TGFA: variants seen among roughly 807,000 people sequenced by gnomAD.
The protein encoded by TGFA is protransforming growth factor alpha.
In TGFA, 12 loss-of-function variants were observed where a neutral mutation model predicts 21.7. The ratio of observed to expected loss-of-function variants is 0.55; its 90% CI spans 0.35 to 0.90. The LOEUF (loss-of-function observed/expected upper bound fraction) is 0.90. Ranked by LOEUF, TGFA falls within the 40% of genes least tolerant of loss-of-function variation. The pLI, the probability that TGFA is intolerant of heterozygous loss-of-function variation, is 0.01. For synonymous variants in TGFA, 79 were observed against 88.1 expected (o/e 0.90, Z 0.58); for missense variants, 178 against 210.8 (o/e 0.84, Z 0.96).
At chr2:70,536,858 T>C (rs1672981786) in intron 1 of TGFA, among the ~76,000 whole-genome samples, 1 of 152,204 alleles carries the variant, frequency 6.6e-6, no homozygotes, top group Non-Finnish European at 1.5e-5. Context: ...TTAGTTACTG[T>C]TTTGCTCTGT....
chr2:70,532,806 C>G (rs1315910634), intron 1 of TGFA, among the ~76,000 whole-genome samples: 1 of 152,112 alleles, frequency 6.6e-6, no homozygotes, highest in Non-Finnish European at 1.5e-5. Flanking sequence ...AAGTGCTGTT[C>G]CCTGATTGTA....
chr2:70,548,615 C>A (rs868961330), intron 1 of TGFA, among the ~76,000 whole-genome samples: 61 of 152,208 alleles, frequency 4.0e-4, no homozygotes, highest in African/African-American at 1.3e-3. Context: ...GCATAGAACT[C>A]ACTTGATTAG....
chr2:70,448,805 G>A lies in TGFA; in HGVS notation c.*2054C>T, dbSNP rs1553489087. ...CATAAGGATGAGGGCACTGGCAGGT[G>A]TGACTTGCTGGACCTAGGAACTAGA... On this transcript the variant is annotated 3_prime_UTR_variant, in exon 6 of 6. Transcript: ENST00000295400. 6.6e-6 allele frequency: 1 copy of A among 152,260 alleles called. No individual in the cohort carries two copies. The highest frequency in any genetic ancestry group is 1.9e-4 in the East Asian group (1 of 5,198). The allele number at this position is 152,260 out of a possible 1,614,324, so 9.4% of individuals were successfully genotyped here. A position where few individuals can be genotyped will look rare whatever the true frequency, so the allele number is the denominator to read the frequency against.
chr2:70,463,466 C>T (rs1381234156), intron 3 of TGFA, among the ~76,000 whole-genome samples: 12 of 152,128 alleles, frequency 7.9e-5, no homozygotes, highest in Admixed American at 7.9e-4. Context: ...CAGAAGGCTT[C>T]TAACAGCTGA....
Position 70,549,243 on chromosome 2 carries a change from T to C in TGFA, c.40+4485A>G, listed in dbSNP as rs1247938738. On this transcript the variant is annotated intron_variant, in intron 1 of 5. Transcript: ENST00000295400. ...CTCAGCAAGAGGGCTAACTCTGTCCTGGTCGGCATGACAGGCCTTAAAGTG... is the reference window on the plus strand; with the variant it reads ...CTCAGCAAGAGGGCTAACTCTGTCCCGGTCGGCATGACAGGCCTTAAAGTG... Among the ~76,000 whole-genome samples, 6 of 152,196 alleles carry C rather than the reference T, an allele frequency of 3.9e-5. No individual in the cohort carries two copies. In the South Asian group the frequency reaches 8.3e-4, roughly 21 times the overall value.
intron 3 of TGFA, among the ~76,000 whole-genome samples, chr2:70,461,409 C>T (rs1553491455): frequency 6.6e-6 from 1 of 152,214 alleles, no homozygotes; most frequent in Non-Finnish European, 1.5e-5. Flanking sequence ...CACAGGCAGC[C>T]AGTTATGAAC....
At position 70,447,624 on chromosome 2, in the gene TGFA, A is replaced by T. The variant is rs1261790843; in HGVS notation, c.*3235T>A. 1 of 152,556 alleles carries T rather than the reference A, an allele frequency of 6.6e-6. No homozygotes were observed. Among genetic ancestry groups the T allele is most frequent in the Non-Finnish European group, 1.5e-5 (1 of 68,044 alleles). The allele number at this position is 152,556 out of a possible 1,614,324, so 9.5% of individuals were successfully genotyped here. A position where few individuals can be genotyped will look rare whatever the true frequency, so the allele number is the denominator to read the frequency against. ...GTAAATTATTAAGACTAAGAAGAGG[A>T]GTTGCTTTTTCAGTACTCTCTCTCT... is the stretch of plus-strand genomic sequence containing the variant. On this transcript the variant is annotated 3_prime_UTR_variant, in exon 6 of 6. Transcript: ENST00000295400.
intron 1 of TGFA, among the ~76,000 whole-genome samples, chr2:70,517,217 G>A (rs1253636399): frequency 6.6e-6 from 1 of 152,196 alleles, no homozygotes; most frequent in Non-Finnish European, 1.5e-5. Flanking sequence ...AAAGACACTG[G>A]CTTTTTATTC....
At chr2:70,474,969 C>CATGTGT (rs3220306) in intron 2 of TGFA, among the ~76,000 whole-genome samples, 2 of 147,592 alleles carry the variant, frequency 1.4e-5, no homozygotes, top group African/African-American at 2.5e-5. Flanking sequence ...ACACAGCAGC[C>CATGTGT]GTGTGTGTGT....
intron 2 of TGFA, among the ~76,000 whole-genome samples, chr2:70,469,338 T>A (rs1169379756): frequency 2.6e-5 from 4 of 151,716 alleles, no homozygotes; most frequent in African/African-American, 9.7e-5. Flanking sequence ...ATTAATTAAT[T>A]TATATTTTTA....
intron 2 of TGFA, among the ~76,000 whole-genome samples, chr2:70,481,629 C>T (rs1212761083): frequency 2.0e-5 from 3 of 152,210 alleles, no homozygotes; most frequent in Non-Finnish European, 4.4e-5. Context: ...CATACTGTCT[C>T]AGGGCTGGTC....
Position 70,456,330 on chromosome 2 carries a change from A to G in TGFA, c.365+9T>C, listed in dbSNP as rs1553490507. 3.9e-6 allele frequency: 6 copies of G among 1,545,732 alleles called. No individual in the cohort carries two copies. The highest frequency in any genetic ancestry group is 1.7e-4 in the Middle Eastern group (1 of 5,990). On this transcript the variant is annotated intron_variant, in intron 4 of 5. Coordinates refer to ENST00000295400, the MANE Select transcript of TGFA (RefSeq NM_003236.4). The stretch of plus-strand genomic sequence containing the variant: ...AGGGGACCTGGCCTTAGGGGCAGCA[A>G]GTACTCACTGTATCAGCACACATGT...
chr2:70,510,099 A>G (rs1279334273), intron 2 of TGFA, among the ~76,000 whole-genome samples: 1 of 152,206 alleles, frequency 6.6e-6, no homozygotes, highest in African/African-American at 2.4e-5. Context: ...TATTTTCTAA[A>G]TCATGCATTA....
intron 2 of TGFA, among the ~76,000 whole-genome samples, chr2:70,498,887 A>C (rs1180441339): frequency 1.3e-5 from 2 of 151,834 alleles, no homozygotes; most frequent in Non-Finnish European, 2.9e-5. Flanking sequence ...TTTCCCCTAC[A>C]CTTGTGGTTT....
intron 1 of TGFA, among the ~76,000 whole-genome samples, chr2:70,516,695 G>A (rs782073398): frequency 6.6e-6 from 1 of 152,146 alleles, no homozygotes; most frequent in South Asian, 2.1e-4. Flanking sequence ...CATCCAAGCC[G>A]GGAAAAGTCA....
intron 2 of TGFA, chr2:70,468,528 G>A (rs1553492679): frequency 6.6e-6 from 1 of 152,282 alleles, no homozygotes; most frequent in Non-Finnish European, 1.5e-5. Flanking sequence ...ACAGAGAGAT[G>A]AAGGGGCTAG....
At position 70,545,074 on chromosome 2, in the gene TGFA, C is replaced by A. The variant is rs1275326845; in HGVS notation, c.40+8654G>T. On this transcript the variant is annotated intron_variant, in intron 1 of 5. Coordinates refer to ENST00000295400, the MANE Select transcript of TGFA (RefSeq NM_003236.4). Reference sequence around the variant, plus strand: ...CTTGAGGTCACAGATGCTCCATTTACCTTGATGTGTTTATTACACATTGCA... The same window carrying A: ...CTTGAGGTCACAGATGCTCCATTTAACTTGATGTGTTTATTACACATTGCA... Among the ~76,000 whole-genome samples the A allele has an allele frequency of 2.0e-5, 3 of 151,988 alleles. No homozygotes were observed. In the South Asian group the frequency reaches 6.2e-4, roughly 31 times the overall value.
chr2:70,472,254 C>T lies in TGFA; in HGVS notation c.95-6518G>A, dbSNP rs546460920. Among the ~76,000 whole-genome samples the T allele has an allele frequency of 3.3e-5, 5 of 152,316 alleles. No homozygotes were observed. The South Asian group carries it at 1.0e-3, about 32-fold the overall frequency. On this transcript the variant is annotated intron_variant, in intron 2 of 5. Transcript: ENST00000295400. The stretch of plus-strand genomic sequence containing the variant: ...CCCCCAGGACTCTGGCCCATCTCCT[C>T]CAGACACCAAGTCTGAGTAGCACTT...
chr2:70,507,937 T>C (rs1173067391), intron 2 of TGFA, among the ~76,000 whole-genome samples: 1 of 152,244 alleles, frequency 6.6e-6, no homozygotes, highest in Non-Finnish European at 1.5e-5. Flanking sequence ...TTCTCAACAG[T>C]TAGGCTATAT....
Sources: allele counts gnomAD v4.1 joint callset (sites outside exome capture counted in the v4.1 genomes callset), GRCh38; gene constraint gnomAD v4.1.1; transcripts MANE v1.5; gene names NCBI Gene and HGNC (gene_info 2026-07-23, HGNC 2026-07-21).